The following MACROD2 variants were observed in gnomAD, a reference collection of about 807,000 sequenced individuals.
MACROD2 encodes ADP-ribose glycohydrolase MACROD2.
MACROD2 carries 36 observed loss-of-function variants against 70.4 expected under a neutral mutation model. The ratio of observed to expected loss-of-function variants is 0.51; its 90% CI spans 0.39 to 0.68. The LOEUF (loss-of-function observed/expected upper bound fraction) is 0.68. MACROD2 is among the 30% of genes least tolerant of loss of function. The probability of loss-of-function intolerance (pLI) is 0.00; values close to 1 mark genes in which losing one functional copy is unlikely to be tolerated. For missense variants in MACROD2, 496 were observed against 538.4 expected, an observed-to-expected ratio of 0.92 and a Z score of 0.78; for synonymous variants, 172 against 178.8, an observed-to-expected ratio of 0.96 and a Z score of 0.30.
At chr20:15,740,683 C>T (rs1018645307) in intron 8 of MACROD2, among the ~76,000 whole-genome samples, 2 of 151,678 alleles carry the variant, frequency 1.3e-5, no homozygotes, top group Admixed American at 1.3e-4. Flanking sequence ...TCATTTCACT[C>T]CCCAACAAAA....
chr20:16,036,681 G>A (rs1214225282), intron 15 of MACROD2, among the ~76,000 whole-genome samples: 1 of 151,824 alleles, frequency 6.6e-6, no homozygotes, highest in African/African-American at 2.4e-5. Flanking sequence ...ATTTCTGTAG[G>A]GCATCCAGTT....
chr20:14,100,713 T>C (rs986000650), intron 3 of MACROD2, among the ~76,000 whole-genome samples: 2 of 6,990 alleles, frequency 2.9e-4, no homozygotes, highest in African/African-American at 3.6e-4. Flanking sequence ...ATATAGTATA[T>C]ATACATTTAT....
At chr20:15,975,201 T>C (rs531721143) in intron 13 of MACROD2, among the ~76,000 whole-genome samples, 1 of 152,266 alleles carries the variant, frequency 6.6e-6, no homozygotes, top group Non-Finnish European at 1.5e-5. Flanking sequence ...GTATCTTCTC[T>C]TTTTGAACTA....
chr20:14,359,187 C>CAAAAACAAACAAACAAACAAACA, intron 3 of MACROD2, among the ~76,000 whole-genome samples: 1 of 148,812 alleles, frequency 6.7e-6, no homozygotes, highest in Admixed American at 6.6e-5. Flanking sequence ...GACTCTGTCT[C>CAAAAACAAACAAACAAACAAACA]AAAAACAAAC....
chr20:15,198,644 G>T (rs1282686052), intron 5 of MACROD2, among the ~76,000 whole-genome samples: 1 of 151,928 alleles, frequency 6.6e-6, no homozygotes, highest in Non-Finnish European at 1.5e-5. Context: ...TATTCCTTTG[G>T]GTTAATGGAC....
intron 3 of MACROD2, among the ~76,000 whole-genome samples, chr20:14,452,130 G>A (rs534254093): frequency 1.3e-5 from 2 of 152,208 alleles, no homozygotes; most frequent in East Asian, 3.9e-4. Context: ...AAACTAGAAA[G>A]AGTTTGGAAA....
rs140188595 is a variant in MACROD2, at chr20:14,799,313, C to T, written c.418+114354C>T. Among the ~76,000 whole-genome samples the T allele has an allele frequency of 1.7e-3, 254 of 152,128 alleles. 1 individual carries two copies. The highest frequency in any genetic ancestry group is 2.9e-3 in the Non-Finnish European group (200 of 68,004). ...TTAATTTGAGAAATCCCAGCACAAT[C>T]TTACTATTAAAATAATAAGAGATAG... On this transcript the variant is annotated intron_variant, in intron 5 of 17. Transcript: ENST00000684519.
intron 8 of MACROD2, among the ~76,000 whole-genome samples, chr20:15,843,063 C>A (rs2064191510): frequency 6.6e-6 from 1 of 152,146 alleles, no homozygotes; most frequent in Non-Finnish European, 1.5e-5. Context: ...GCACTGAGCT[C>A]ACCACTTAAC....
At chr20:14,102,108 A>T (rs941668098) in intron 3 of MACROD2, among the ~76,000 whole-genome samples, 1 of 137,134 alleles carries the variant, frequency 7.3e-6, no homozygotes, top group Non-Finnish European at 1.5e-5. Context: ...GGTTCAAGTG[A>T]TTCTCCTGCC....
intron 6 of MACROD2, among the ~76,000 whole-genome samples, chr20:15,252,958 A>G (rs1238198790): frequency 3.9e-5 from 6 of 152,236 alleles, no homozygotes; most frequent in African/African-American, 9.6e-5. Context: ...CAAAATTTGC[A>G]TCTGTTAATG....
intron 8 of MACROD2, among the ~76,000 whole-genome samples, chr20:15,802,895 G>A (rs938521838): frequency 3.6e-4 from 54 of 151,936 alleles, no homozygotes; most frequent in Non-Finnish European, 4.6e-4. Context: ...ACAACTATAC[G>A]CTAACAAACT....
intron 8 of MACROD2, among the ~76,000 whole-genome samples, chr20:15,597,806 C>A (rs562657603): frequency 6.6e-6 from 1 of 152,172 alleles, no homozygotes. Flanking sequence ...CAGCCGGGCA[C>A]GGTGGCTCAC....
At chr20:15,567,110 T>TC (rs565600663) in intron 8 of MACROD2, among the ~76,000 whole-genome samples, 176 of 151,940 alleles carry the variant, frequency 1.2e-3, no homozygotes, top group African/African-American at 4.1e-3. Flanking sequence ...GGTTTTTTTT[T>TC]TCAGAAAATT....
In MACROD2 at chr20:14,088,971, A is replaced by G. The variant is rs545116767; in HGVS notation, c.271+3243A>G. 2.6e-5 allele frequency among the ~76,000 whole-genome samples: 4 copies of G among 152,352 alleles called. No homozygotes were observed. The South Asian group carries it at 8.3e-4, about 32-fold the overall frequency. The stretch of plus-strand genomic sequence containing the variant: ...AATAAATGGTGCAAAACAGAAGAAC[A>G]TCATTAACTACCTCATCACTATTTT... On this transcript the variant is annotated intron_variant, in intron 3 of 17. Transcript: ENST00000684519.
chr20:14,424,814 T>C (rs558812054), intron 3 of MACROD2, among the ~76,000 whole-genome samples: 3 of 152,230 alleles, frequency 2.0e-5, no homozygotes, highest in Non-Finnish European at 4.4e-5. Context: ...TGTTATAAGG[T>C]ACTTAATTTG....
At position 14,548,491 on chromosome 20, in the gene MACROD2, G is replaced by T. The variant is rs1248451988; in HGVS notation, c.301+54983G>T. Reference sequence around the variant, plus strand: ...CCCAGCACTTTGGGAGGCTGAGGCGGGCGGATCACGAGGTCAGGAGATCGA... The same window carrying T: ...CCCAGCACTTTGGGAGGCTGAGGCGTGCGGATCACGAGGTCAGGAGATCGA... On this transcript the variant is annotated intron_variant, in intron 4 of 17. Transcript: ENST00000684519. Among the ~76,000 whole-genome samples, 2 of 67,886 alleles carry T rather than the reference G, an allele frequency of 2.9e-5. 1 individual carries two copies. The highest frequency in any genetic ancestry group is 6.7e-5 in the Non-Finnish European group (2 of 30,042). The allele number at this position is 67,886 out of a possible 152,430, so 44.5% of individuals were successfully genotyped here.
At chr20:15,451,707 G>A (rs960151067) in intron 7 of MACROD2, among the ~76,000 whole-genome samples, 6 of 152,120 alleles carry the variant, frequency 3.9e-5, no homozygotes, top group African/African-American at 1.2e-4. Flanking sequence ...GAGGCCTCAC[G>A]CTGATCTGAC....
In MACROD2 at chr20:14,909,169, C is replaced by T. The variant is rs1217429125; in HGVS notation, c.418+224210C>T. Among the ~76,000 whole-genome samples the T allele has an allele frequency of 7.9e-5, 12 of 152,152 alleles. No homozygotes were observed. In the East Asian group the frequency reaches 2.3e-3, roughly 29 times the overall value. On this transcript the variant is annotated intron_variant, in intron 5 of 17. Transcript: ENST00000684519. Reference sequence around the variant, plus strand: ...GCATCAGACTGGAAGATTGGTGGAGCTTGTTCCCTAAATCAGGAATTTAAG... The same window carrying T: ...GCATCAGACTGGAAGATTGGTGGAGTTTGTTCCCTAAATCAGGAATTTAAG...
At chr20:14,917,279 A>C (rs1600819777) in intron 5 of MACROD2, among the ~76,000 whole-genome samples, 1 of 151,462 alleles carries the variant, frequency 6.6e-6, no homozygotes, top group East Asian at 1.9e-4. Context: ...TCTTCCATGT[A>C]TTTAAGCTCA....
Sources: gnomAD v4.1 joint callset for allele counts (sites outside exome capture counted in the v4.1 genomes callset) on GRCh38, gnomAD v4.1.1 for gene constraint, MANE v1.5 for transcripts, NCBI Gene and HGNC (gene_info 2026-07-23, HGNC 2026-07-21) for gene names.